SCN2A: variants seen among roughly 807,000 people sequenced by gnomAD.
SCN2A encodes sodium channel protein type 2 subunit alpha.
SCN2A carries 20 observed loss-of-function variants against 188.7 expected under a neutral mutation model. The observed-to-expected ratio is 0.11, with a 90% CI of 0.07 to 0.15. The LOEUF (loss-of-function observed/expected upper bound fraction) is 0.15. Ranked by LOEUF, SCN2A falls within the 10% of genes least tolerant of loss-of-function variation. The pLI is 1.00. For synonymous variants in SCN2A, 804 were observed against 833.1 expected, an observed-to-expected ratio of 0.97 and a Z score of 0.60; for missense variants, 1,278 against 2,445.0, an observed-to-expected ratio of 0.52 and a Z score of 10.07.
chr2:165,365,799 TA>T (rs1212725552), intron 18 of SCN2A, among the ~76,000 whole-genome samples: 3 of 152,132 alleles, frequency 2.0e-5, no homozygotes, highest in Admixed American at 6.5e-5. Context: ...AGATAGATCA[TA>T]AAAATGCCAA....
At chr2:165,292,935 A>G (rs900664093) in intron 1 of SCN2A, among the ~76,000 whole-genome samples, 1 of 152,232 alleles carries the variant, frequency 6.6e-6, no homozygotes, top group Non-Finnish European at 1.5e-5. Context: ...AATCTTCACT[A>G]TGATATTAAT....
chr2:165,383,134 C>T (rs1169808085), intron 25 of SCN2A, among the ~76,000 whole-genome samples: 2 of 151,922 alleles, frequency 1.3e-5, no homozygotes, highest in African/African-American at 2.4e-5. Flanking sequence ...AAATATCGAA[C>T]AGTATGGAGT....
At chr2:165,377,765 T>C in intron 23 of SCN2A, 115 bp downstream of exon 23, 1 of 792,138 alleles carries the variant, frequency 1.3e-6, no homozygotes, top group Non-Finnish European at 2.0e-6. Context: ...ATAAAACCCA[T>C]CTATATTATA....
intron 23 of SCN2A, among the ~76,000 whole-genome samples, chr2:165,377,944 G>A (rs576886580): frequency 1.6e-4 from 24 of 151,800 alleles, no homozygotes; most frequent in African/African-American, 5.5e-4. Context: ...GGCTCTGATA[G>A]TCCTGGTCAT....
At chr2:165,314,464 C>T (rs1229737080) in intron 10 of SCN2A, among the ~76,000 whole-genome samples, 1 of 152,132 alleles carries the variant, frequency 6.6e-6, no homozygotes, top group Non-Finnish European at 1.5e-5. Context: ...AAGAGGAATT[C>T]AGTTACACTT....
At chr2:165,312,901 T>A (rs748774779) in intron 8 of SCN2A, among the ~76,000 whole-genome samples, 19 of 152,154 alleles carry the variant, frequency 1.2e-4, no homozygotes, top group Non-Finnish European at 1.5e-5. Context: ...TCCATTTGGC[T>A]CCTACGATCA....
At position 165,333,692 on chromosome 2, in the gene SCN2A, TAGG is replaced by T. The variant is rs1227236560; in HGVS notation, c.2388+2127_2388+2129del. On this transcript the variant is annotated intron_variant, in intron 14 of 26. Coordinates refer to ENST00000375437, the MANE Select transcript of SCN2A (RefSeq NM_001040142.2). The stretch of plus-strand genomic sequence containing the variant: ...TATACTCTAAATGTCTATAGTAAAA[TAGG>T]AGATTTCCCAAATTGCTAATTTAAG... Among the ~76,000 whole-genome samples, 4 of 151,550 alleles carry T rather than the reference TAGG, an allele frequency of 2.6e-5. No homozygotes were observed. In the East Asian group the frequency reaches 7.7e-4, roughly 29 times the overall value.
In SCN2A at chr2:165,257,664, G is replaced by A. The variant is rs550568076; in HGVS notation, c.-52+18024G>A. 6.6e-5 allele frequency among the ~76,000 whole-genome samples: 10 copies of A among 152,094 alleles called. No individual in the cohort carries two copies. The East Asian group carries it at 1.9e-3, about 30-fold the overall frequency. On this transcript the variant is annotated intron_variant, in intron 1 of 26. Transcript: ENST00000375437. ...CGCCATTCTCCTGCCTCAGCCTCCC[G>A]AGTAGCTGGGATTACAGGCGCCCCT...
At chr2:165,318,475 C>A (rs1318331386) in intron 11 of SCN2A, among the ~76,000 whole-genome samples, 2 of 152,098 alleles carry the variant, frequency 1.3e-5, no homozygotes, top group African/African-American at 4.8e-5. Context: ...TTCTTACTGG[C>A]CATCTTTTTT....
chr2:165,280,443 C>A (rs557583608), intron 1 of SCN2A, among the ~76,000 whole-genome samples: 2 of 152,292 alleles, frequency 1.3e-5, no homozygotes, highest in South Asian at 4.1e-4. Flanking sequence ...ACTCTCCTGG[C>A]AGGTGAGTGT....
At chr2:165,279,596 A>G (rs528316790) in intron 1 of SCN2A, among the ~76,000 whole-genome samples, 5 of 152,170 alleles carry the variant, frequency 3.3e-5, no homozygotes, top group Non-Finnish European at 7.3e-5. Flanking sequence ...TGGATGGGAA[A>G]CAAACGGAAG....
At position 165,375,368 on chromosome 2, in the gene SCN2A, A is replaced by AGTGT. The variant is rs3030660; in HGVS notation, c.4254+423_4254+426dup. Among the ~76,000 whole-genome samples the AGTGT allele has an allele frequency of 3.3e-3, 494 of 149,806 alleles. 3 individuals carry two copies. The highest frequency in any genetic ancestry group is 7.7e-3 in the East Asian group (39 of 5,088). Reference sequence around the variant, plus strand: ...ATCAACAGATATGTGGATAAAGAAAAGTGTGTGTGTGTGTGTGTGTGTGTA... The same window carrying AGTGT: ...ATCAACAGATATGTGGATAAAGAAAAGTGTGTGTGTGTGTGTGTGTGTGTGTGTA... On this transcript the variant is annotated intron_variant, in intron 22 of 26. Coordinates refer to ENST00000375437, the MANE Select transcript of SCN2A (RefSeq NM_001040142.2).
chr2:165,323,470 C>T lies in SCN2A; in HGVS notation c.1986C>T (p.Thr662=), dbSNP rs530608927. Residue 662 remains threonine, a synonymous_variant, in exon 12 of 27, where the codon ACC becomes ACT. Transcript: ENST00000375437. ...TCTCCCTGGTCGGGGGCCCTTCTAC[C>T]CTCACATCTGCTGGGCAGCTCCTAC... ...GVVSLVGGPS[T]LTSAGQLLPE... is the part of the protein sequence containing the mutation. 2.5e-6 allele frequency: 4 copies of T among 1,613,616 alleles called. No individual in the cohort carries two copies. The Admixed American group carries it at 5.0e-5, about 20-fold the overall frequency.
intron 14 of SCN2A, among the ~76,000 whole-genome samples, chr2:165,332,702 A>T (rs1698758159): frequency 1.3e-5 from 2 of 152,032 alleles, no homozygotes; most frequent in African/African-American, 4.8e-5. Flanking sequence ...TTCTAAAAAA[A>T]AGCAGGGTGG....
chr2:165,302,137 C>A (rs1696849329), intron 3 of SCN2A, among the ~76,000 whole-genome samples: 1 of 152,118 alleles, frequency 6.6e-6, no homozygotes, highest in Admixed American at 6.5e-5. Context: ...TCATGGTTTT[C>A]CATGAAAAGA....
chr2:165,269,242 T>A (rs537149718), intron 1 of SCN2A: 41 of 152,176 alleles, frequency 2.7e-4, no homozygotes, highest in Middle Eastern at 3.4e-3. Flanking sequence ...AGTTGCACAC[T>A]GTAAATATAT....
chr2:165,239,745 AAG>A (rs945412428), intron 1 of SCN2A, 105 bp downstream of exon 1: 20 of 444,714 alleles, frequency 4.5e-5, no homozygotes, highest in African/African-American at 4.1e-4. Flanking sequence ...ATTCAGATCT[AAG>A]AGATTCAAAA....
intron 1 of SCN2A, among the ~76,000 whole-genome samples, chr2:165,258,999 C>T (rs1311946812): frequency 2.0e-5 from 3 of 152,110 alleles, no homozygotes; most frequent in African/African-American, 7.2e-5. Context: ...AGCTTATTGC[C>T]TGGATGGCAA....
At position 165,285,674 on chromosome 2, in the gene SCN2A, TCTGAATAAACCGAAGTAA is replaced by T. The variant is rs1559336876; in HGVS notation, c.-51-10097_-51-10080del. 3 of 244,222 alleles carry T rather than the reference TCTGAATAAACCGAAGTAA, an allele frequency of 1.2e-5. No homozygotes were observed. In the Admixed American group the frequency reaches 1.2e-4, roughly 10 times the overall value. The allele number at this position is 244,222 out of a possible 1,614,324, so 15.1% of individuals were successfully genotyped here. ...TGGCTCCCTCTATTGTTGCTCCAGT[TCTGAATAAACCGAAGTAA>T]CCTCTCAGCTCTAGCAATCCAGCTC... is the stretch of plus-strand genomic sequence containing the variant. On this transcript the variant is annotated intron_variant, in intron 1 of 26. Coordinates refer to ENST00000375437, the MANE Select transcript of SCN2A (RefSeq NM_001040142.2).
Sources: allele counts gnomAD v4.1 joint callset (sites outside exome capture counted in the v4.1 genomes callset), GRCh38; gene constraint gnomAD v4.1.1; transcripts MANE v1.5; gene names NCBI Gene and HGNC (gene_info 2026-07-23, HGNC 2026-07-21).